The following GRIP1 variants were observed in gnomAD, a reference collection of about 807,000 sequenced individuals.
GRIP1 encodes glutamate receptor-interacting protein 1.
GRIP1 carries 45 observed loss-of-function variants against 129.9 expected under a neutral mutation model. The observed-to-expected ratio is 0.35, with a 90% confidence interval of 0.27 to 0.44. The LOEUF (loss-of-function observed/expected upper bound fraction) is 0.44, where lower values mean the gene tolerates loss of function less well. Among genes scored for constraint, GRIP1 ranks in the 20% least tolerant of loss-of-function variants. The probability of loss-of-function intolerance (pLI) is 1.00; values close to 1 mark genes in which losing one functional copy is unlikely to be tolerated. For missense variants in GRIP1, 1,196 were observed against 1,396.8 expected, an observed-to-expected ratio of 0.86 and a Z score of 2.29; for synonymous variants, 530 against 520.8, an observed-to-expected ratio of 1.02 and a Z score of -0.24.
chr12:66,881,500 G>A (rs187765297), intron 1 of GRIP1, among the ~76,000 whole-genome samples: 63 of 152,112 alleles, frequency 4.1e-4, no homozygotes, highest in African/African-American at 1.5e-3. Context: ...TTTCTTTCCT[G>A]AGACCTGGTA....
chr12:66,406,726 G>C (rs553540844), intron 15 of GRIP1, among the ~76,000 whole-genome samples: 74 of 152,286 alleles, frequency 4.9e-4, no homozygotes, highest in African/African-American at 1.8e-3. Flanking sequence ...TAATGGGCGA[G>C]GGTCTGCATA....
intron 2 of GRIP1, among the ~76,000 whole-genome samples, chr12:66,579,641 G>T (rs1388830780): frequency 6.6e-6 from 1 of 152,178 alleles, no homozygotes; most frequent in Non-Finnish European, 1.5e-5. Context: ...GCGATCAACT[G>T]GAAGAAAGGG....
intron 4 of GRIP1, among the ~76,000 whole-genome samples, chr12:66,531,252 A>AATATATAT (rs71069009): frequency 1.2e-3 from 24 of 19,428 alleles, no homozygotes; most frequent in Admixed American, 1.5e-3. Context: ...AAAAAAAAAA[A>AATATATAT]ATATATATAT....
At chr12:66,590,650 A>G (rs1207946160) in intron 2 of GRIP1, among the ~76,000 whole-genome samples, 1 of 152,194 alleles carries the variant, frequency 6.6e-6, no homozygotes, top group Non-Finnish European at 1.5e-5. Context: ...TTATTATTAA[A>G]TGGTGCTCAA....
rs148083271 is a variant in GRIP1 at position 66,445,515 on chromosome 12, GAAC to G, written c.1355-10_1355-8del. On this transcript the variant is annotated splice_region_variant and splice_polypyrimidine_tract_variant and intron_variant, in intron 11 of 24. Coordinates refer to ENST00000359742, the MANE Select transcript of GRIP1 (RefSeq NM_001366722.1). Reference sequence around the variant, plus strand: ...GTGCTGGAGGCTAAGGACACTAGAGGAACAAACAGAAAATACTGACTTTAGGTT... The same window carrying G: ...GTGCTGGAGGCTAAGGACACTAGAGGAAACAGAAAATACTGACTTTAGGTT... 3,964 of 1,604,792 alleles carry G rather than the reference GAAC, an allele frequency of 2.5e-3. 80 individuals carry two copies. The African/African-American group carries it at 0.046, about 19-fold the overall frequency.
At chr12:67,020,206 A>G (rs901155147) in intron 1 of GRIP1, among the ~76,000 whole-genome samples, 2 of 152,188 alleles carry the variant, frequency 1.3e-5, no homozygotes, top group Non-Finnish European at 2.9e-5. Context: ...TTGTGCAGAG[A>G]AAGTTTTGAT....
At chr12:66,397,300 T>C (rs1295453597) in intron 16 of GRIP1, among the ~76,000 whole-genome samples, 1 of 151,708 alleles carries the variant, frequency 6.6e-6, no homozygotes, top group Non-Finnish European at 1.5e-5. Flanking sequence ...TCACCTTAGG[T>C]CAGGAGTTTG....
chr12:67,018,972 C>A (rs941095), intron 1 of GRIP1, among the ~76,000 whole-genome samples: 119,591 of 151,870 alleles, frequency 0.79, 48,220 homozygotes, highest in East Asian at 0.89. Flanking sequence ...CTCAGGGATA[C>A]AGTTTAAAAT....
chr12:67,026,609 C>T (rs1054396766), intron 1 of GRIP1, among the ~76,000 whole-genome samples: 4 of 152,184 alleles, frequency 2.6e-5, no homozygotes, highest in African/African-American at 7.2e-5. Context: ...CTCTGTAATC[C>T]TTCCTCTTCT....
chr12:66,481,375 A>G (rs940719513), intron 7 of GRIP1, among the ~76,000 whole-genome samples: 3 of 152,222 alleles, frequency 2.0e-5, no homozygotes, highest in Non-Finnish European at 4.4e-5. Flanking sequence ...CATTAGAGAA[A>G]TGCAAATCAA....
At chr12:67,040,002 G>A (rs2043152015) in intron 1 of GRIP1, among the ~76,000 whole-genome samples, 1 of 152,000 alleles carries the variant, frequency 6.6e-6, no homozygotes, top group African/African-American at 2.4e-5. Flanking sequence ...CTACTCTTAA[G>A]CTGTTCGCTC....
At chr12:66,523,827 G>A (rs1388163184) in intron 5 of GRIP1, among the ~76,000 whole-genome samples, 5 of 147,738 alleles carry the variant, frequency 3.4e-5, no homozygotes, top group African/African-American at 1.2e-4. Flanking sequence ...TAAAGGGATG[G>A]AGGAAGATCT....
At chr12:66,377,326 A>G in intron 20 of GRIP1, 41 bp from the exon 21 acceptor site, 1 of 1,296,014 alleles carries the variant, frequency 7.7e-7, no homozygotes, top group Non-Finnish European at 1.1e-6. Flanking sequence ...AACTTGCCAG[A>G]CATTTTTTTT....
chr12:66,385,959 A>G (rs1354462627), intron 19 of GRIP1, among the ~76,000 whole-genome samples: 1 of 152,078 alleles, frequency 6.6e-6, no homozygotes, highest in African/African-American at 2.4e-5. Flanking sequence ...TTTATTTTAC[A>G]TCTGGGTTTC....
chr12:66,821,472 T>C (rs748938485), intron 1 of GRIP1, among the ~76,000 whole-genome samples: 5 of 152,122 alleles, frequency 3.3e-5, no homozygotes, highest in Non-Finnish European at 5.9e-5. Flanking sequence ...ACATCTTGCT[T>C]TGTGATGTAA....
In GRIP1 at chr12:66,347,700, C is replaced by T. The variant is rs2054033513; in HGVS notation, c.*1319G>A. On this transcript the variant is annotated 3_prime_UTR_variant, in exon 25 of 25. Coordinates refer to ENST00000359742, the MANE Select transcript of GRIP1 (RefSeq NM_001366722.1). ...ATGATCCTGCTTTATACTTTCTTGC[C>T]CTGGCGGTTCTGAAATGTGATTGAA... The T allele has an allele frequency of 6.6e-6, 1 of 151,698 alleles. No homozygotes were observed. The highest frequency in any genetic ancestry group is 2.4e-5 in the African/African-American group (1 of 41,256). The allele number at this position is 151,698 out of a possible 1,614,324, so 9.4% of individuals were successfully genotyped here. A position where few individuals can be genotyped will look rare whatever the true frequency, so the allele number is the denominator to read the frequency against.
chr12:66,450,317 A>G (rs868722476), intron 11 of GRIP1, among the ~76,000 whole-genome samples: 97 of 148,662 alleles, frequency 6.5e-4, no homozygotes, highest in South Asian at 1.9e-3. Flanking sequence ...AAAAAAAAAA[A>G]AAAAAAAAAA....
chr12:66,997,455 G>A (rs1424651998), intron 1 of GRIP1, among the ~76,000 whole-genome samples: 1 of 152,014 alleles, frequency 6.6e-6, no homozygotes, highest in Middle Eastern at 3.2e-3. Flanking sequence ...AGAAAAGTAG[G>A]TAGTAAAATT....
intron 1 of GRIP1, among the ~76,000 whole-genome samples, chr12:66,790,863 G>A (rs952886695): frequency 6.6e-6 from 1 of 152,010 alleles, no homozygotes; most frequent in African/African-American, 2.4e-5. Flanking sequence ...AGAGTTAGAA[G>A]GGCCAGTGCT....
Sources: allele counts gnomAD v4.1 joint callset (sites outside exome capture counted in the v4.1 genomes callset), GRCh38; gene constraint gnomAD v4.1.1; transcripts MANE v1.5; gene names NCBI Gene and HGNC (gene_info 2026-07-23, HGNC 2026-07-21).